Variants in FBXL13 observed in about 807,000 individuals in gnomAD.
FBXL13 encodes the protein F-box and leucine rich repeat protein 13, also known as F-box and leucine-rich repeat protein 13.
In FBXL13, 67 loss-of-function variants were observed where a neutral mutation model predicts 83.6. The observed-to-expected ratio is 0.80, with a 90% CI of 0.66 to 0.98. The LOEUF (loss-of-function observed/expected upper bound fraction) is 0.98, where lower values mean the gene tolerates loss of function less well. Ranked by LOEUF, FBXL13 falls within the 50% of genes least tolerant of loss-of-function variation. The probability of loss-of-function intolerance (pLI) is 0.00; values close to 1 mark genes in which losing one functional copy is unlikely to be tolerated. For missense variants in FBXL13, 822 were observed against 866.5 expected, an observed-to-expected ratio of 0.95 and a Z score of 0.64; for synonymous variants, 272 against 299.5, an observed-to-expected ratio of 0.91 and a Z score of 0.95.
intron 2 of FBXL13, among the ~76,000 whole-genome samples, chr7:103,036,354 T>A (rs1795067573): frequency 6.6e-6 from 1 of 152,148 alleles, no homozygotes; most frequent in Non-Finnish European, 1.5e-5. Context: ...ATTTTTTTTT[T>A]ATTTTTCAAA....
chr7:102,822,889 G>C lies in FBXL13; in HGVS notation c.1855-686C>G, dbSNP rs187667228. Among the ~76,000 whole-genome samples the C allele has an allele frequency of 2.8e-3, 430 of 152,230 alleles. 10 individuals carry two copies. Among genetic ancestry groups the C allele is most frequent in the Admixed American group, 0.026 (393 of 15,284 alleles). On this transcript the variant is annotated intron_variant, in intron 18 of 19. Coordinates refer to ENST00000313221, the Ensembl canonical transcript of FBXL13. ...GTTCGAGACCAGCCTGGGCCACATG[G>C]TGAAACTCCCAAAAATACAAAAATT...
Position 102,977,060 on chromosome 7 carries a change from C to A in FBXL13, c.496-8943G>T, listed in dbSNP as rs1421701094. Among the ~76,000 whole-genome samples the A allele has an allele frequency of 2.0e-5, 3 of 152,160 alleles. No homozygotes were observed. In the East Asian group the frequency reaches 5.8e-4, roughly 29 times the overall value. On this transcript the variant is annotated intron_variant, in intron 6 of 19. Coordinates refer to ENST00000313221, the Ensembl canonical transcript of FBXL13. ...CACCCATGGAGTCCCTGTGTATGAT[C>A]ACTTAAACAGAGAAAAACGATCCTT...
chr7:102,906,140 A>C (rs1285291956), intron 11 of FBXL13, among the ~76,000 whole-genome samples: 2 of 152,158 alleles, frequency 1.3e-5, no homozygotes, highest in East Asian at 1.9e-4. Flanking sequence ...CACTATCATG[A>C]GAACAGCATG....
intron 17 of FBXL13, among the ~76,000 whole-genome samples, chr7:102,834,873 C>T (rs1801587330): frequency 7.8e-6 from 1 of 128,040 alleles, no homozygotes; most frequent in South Asian, 3.0e-4. Flanking sequence ...TTTAACCATT[C>T]CACAATGTGT....
chr7:102,950,465 C>G (rs776646941), intron 8 of FBXL13, among the ~76,000 whole-genome samples: 1 of 152,314 alleles, frequency 6.6e-6, no homozygotes, highest in Non-Finnish European at 1.5e-5. Context: ...TCTTACAAAA[C>G]AGCACATACT....
intron 7 of FBXL13, among the ~76,000 whole-genome samples, chr7:102,966,731 T>C (rs1005937591): frequency 2.0e-5 from 3 of 152,246 alleles, no homozygotes; most frequent in African/African-American, 7.2e-5. Context: ...CTTTTGTGAG[T>C]GTTCACATGT....
At chr7:102,927,153 T>C (rs1818296951) in intron 9 of FBXL13, among the ~76,000 whole-genome samples, 1 of 152,230 alleles carries the variant, frequency 6.6e-6, no homozygotes, top group African/African-American at 2.4e-5. Flanking sequence ...TTGCAAGCTT[T>C]GACTGCAACA....
chr7:102,940,279 G>A (rs997030401), intron 8 of FBXL13, among the ~76,000 whole-genome samples: 34 of 149,550 alleles, frequency 2.3e-4, no homozygotes, highest in East Asian at 2.0e-4. Flanking sequence ...GTGCAATCTC[G>A]GCTCACTGCA....
rs151207772 is a variant in FBXL13 at position 102,948,462 on chromosome 7, C to T, written c.724+15071G>A. On this transcript the variant is annotated intron_variant, in intron 8 of 19. Transcript: ENST00000313221. ...TTTTTGACACAGAGTCTCGCTCTGT[C>T]GCCCAGGGTGGAGTGCAGTGGCATG... 3.8e-3 allele frequency among the ~76,000 whole-genome samples: 579 copies of T among 152,196 alleles called. 5 individuals carry two copies. Among genetic ancestry groups the T allele is most frequent in the African/African-American group, 0.014 (570 of 41,516 alleles).
intron 1 of FBXL13, among the ~76,000 whole-genome samples, chr7:103,064,577 C>T (rs1341858176): frequency 1.3e-5 from 2 of 152,140 alleles, no homozygotes; most frequent in African/African-American, 2.4e-5. Flanking sequence ...CTTGATCTGA[C>T]TCCCCTTATA....
chr7:102,969,489 A>G (rs1826355301), intron 6 of FBXL13, among the ~76,000 whole-genome samples: 1 of 152,070 alleles, frequency 6.6e-6, no homozygotes, highest in South Asian at 2.1e-4. Context: ...TGAGTCAGAA[A>G]AAAAAAAGAA....
chr7:102,889,651 A>T (rs1312769255), intron 11 of FBXL13, among the ~76,000 whole-genome samples: 1 of 151,896 alleles, frequency 6.6e-6, no homozygotes, highest in Non-Finnish European at 1.5e-5. Context: ...TATGAGTGAG[A>T]ACATGCAGTG....
chr7:102,946,605 C>T (rs1324398001), intron 8 of FBXL13, among the ~76,000 whole-genome samples: 1 of 152,062 alleles, frequency 6.6e-6, no homozygotes, highest in South Asian at 2.1e-4. Flanking sequence ...ACTGCCAGAG[C>T]TAACGCTTCA....
chr7:102,939,004 G>A (rs1820867722), intron 8 of FBXL13, among the ~76,000 whole-genome samples: 1 of 151,978 alleles, frequency 6.6e-6, no homozygotes, highest in Non-Finnish European at 1.5e-5. Flanking sequence ...CATTTTTTTC[G>A]ACCCATTTAT....
At chr7:102,943,376 C>T (rs1234542343) in intron 8 of FBXL13, among the ~76,000 whole-genome samples, 1 of 148,666 alleles carries the variant, frequency 6.7e-6, no homozygotes, top group East Asian at 1.9e-4. Context: ...TTAAAGCTAA[C>T]TTAAAACTGA....
At chr7:102,999,836 C>CA (rs35499168) in intron 6 of FBXL13, among the ~76,000 whole-genome samples, 2 of 151,814 alleles carry the variant, frequency 1.3e-5, no homozygotes, top group Non-Finnish European at 2.9e-5. Context: ...TTTATCTTTT[C>CA]AAAAAAACAA....
intron 11 of FBXL13, 101 bp downstream of exon 12, chr7:102,912,985 C>T (rs113088587): frequency 1.7e-5 from 25 of 1,447,010 alleles, no homozygotes; most frequent in African/African-American, 4.3e-5. Flanking sequence ...AAGTGTGCTG[C>T]GGTCCGTGCA....
chr7:102,916,152 T>C (rs112625052), intron 10 of FBXL13, among the ~76,000 whole-genome samples: 1 of 151,912 alleles, frequency 6.6e-6, no homozygotes, highest in African/African-American at 2.4e-5. Flanking sequence ...CCTGGCTAAT[T>C]TTTTTTGTAT....
chr7:102,989,732 G>C (rs987121500), intron 6 of FBXL13, among the ~76,000 whole-genome samples: 1 of 152,204 alleles, frequency 6.6e-6, no homozygotes. Context: ...CCTATCAGCT[G>C]TATCAGAAAA....
Sources: gnomAD v4.1 joint callset for allele counts (sites outside exome capture counted in the v4.1 genomes callset) on GRCh38, gnomAD v4.1.1 for gene constraint, MANE v1.5 for transcripts, NCBI Gene and HGNC (gene_info 2026-07-23, HGNC 2026-07-21) for gene names.